Variants in PPTC7 observed in about 807,000 individuals in gnomAD.
The protein encoded by PPTC7 is protein phosphatase targeting COQ7.
PPTC7 carries 6 observed loss-of-function variants against 30.8 expected under a neutral mutation model. The observed-to-expected ratio is 0.19, with a 90% CI of 0.11 to 0.38. PPTC7 has a LOEUF of 0.38. Among genes scored for constraint, PPTC7 ranks in the 10% least tolerant of loss-of-function variants. The pLI is 1.00. For synonymous variants in PPTC7, 163 were observed against 168.1 expected, an observed-to-expected ratio of 0.97 and a Z score of 0.23; for missense variants, 218 against 404.8, an observed-to-expected ratio of 0.54 and a Z score of 3.96.
intron 1 of PPTC7, among the ~76,000 whole-genome samples, chr12:110,563,615 CAA>C (rs199927043): frequency 8.1e-5 from 10 of 122,998 alleles, no homozygotes; most frequent in Non-Finnish European, 9.0e-5. Context: ...AAATCTGTCT[CAA>C]AAAAAAAAAA....
chr12:110,546,879 A>T (rs2064310062), intron 2 of PPTC7: 1 of 152,142 alleles, frequency 6.6e-6, no homozygotes, highest in Admixed American at 6.5e-5. Context: ...AAATATATGA[A>T]AAAATGACCA....
intron 1 of PPTC7, among the ~76,000 whole-genome samples, chr12:110,579,539 C>G (rs2064618850): frequency 1.3e-5 from 2 of 152,110 alleles, no homozygotes; most frequent in Non-Finnish European, 2.9e-5. Flanking sequence ...CAGCAAAGTT[C>G]CTAAGAGCCC....
At chr12:110,579,480 C>T (rs746146876) in intron 1 of PPTC7, among the ~76,000 whole-genome samples, 31 of 152,186 alleles carry the variant, frequency 2.0e-4, no homozygotes, top group Non-Finnish European at 3.5e-4. Context: ...GGTTCTTGAT[C>T]TGATTCCTAT....
rs528592534 is a variant in PPTC7 at position 110,553,130 on chromosome 12, C to T, written c.224-1162G>A. Among the ~76,000 whole-genome samples, 14 of 145,174 alleles carry T rather than the reference C, an allele frequency of 9.6e-5. 1 individual carries two copies. Among genetic ancestry groups the T allele is most frequent in the African/African-American group, 3.2e-4 (13 of 40,304 alleles). On this transcript the variant is annotated intron_variant, in intron 1 of 5. Coordinates refer to ENST00000354300, the MANE Select transcript of PPTC7 (RefSeq NM_139283.2). ...CCTGGGAAGTGGAGGTTGCGGTGAG[C>T]CGAGATCGCGCCATTGCATCCCACC... is the stretch of plus-strand genomic sequence containing the variant.
intron 2 of PPTC7, chr12:110,546,742 A>G (rs1382358727): frequency 6.5e-6 from 1 of 152,690 alleles, no homozygotes. Flanking sequence ...CCTAGACTGA[A>G]AGGCTAATGG....
intron 1 of PPTC7, among the ~76,000 whole-genome samples, chr12:110,553,800 A>G (rs1225477551): frequency 1.3e-5 from 2 of 152,160 alleles, no homozygotes; most frequent in Non-Finnish European, 2.9e-5. Context: ...CAGAAAAAGA[A>G]TATTTTAGAT....
In PPTC7 at chr12:110,582,833, G is replaced by A. The variant is rs2064650690; in HGVS notation, c.199C>T (p.Arg67Trp). 6.4e-7 allele frequency: 1 copy of A among 1,563,814 alleles called. No homozygotes were observed. Among genetic ancestry groups the A allele is most frequent in the Non-Finnish European group, 8.7e-7 (1 of 1,154,470 alleles). Residue 67 changes from arginine to tryptophan, a missense_variant, in exon 1 of 6, where the codon CGG becomes TGG. Transcript: ENST00000354300. ...CYGDDACFVA[R>W]HRSADVLGVA... Reference sequence around the variant, plus strand: ...CCGAGCACGTCCGCGGAACGGTGCCGGGCCACGAAGCACGCGTCGTCCCCG... The same window carrying A: ...CCGAGCACGTCCGCGGAACGGTGCCAGGCCACGAAGCACGCGTCGTCCCCG...
chr12:110,542,900 A>G (rs1449604223), intron 3 of PPTC7, among the ~76,000 whole-genome samples: 2 of 152,076 alleles, frequency 1.3e-5, no homozygotes, highest in Non-Finnish European at 2.9e-5. Flanking sequence ...GGTGGGGAGA[A>G]AAGATCCTAT....
chr12:110,561,146 T>C (rs2064434922), intron 1 of PPTC7, among the ~76,000 whole-genome samples: 1 of 152,200 alleles, frequency 6.6e-6, no homozygotes, highest in African/African-American at 2.4e-5. Context: ...AGGCATCTTT[T>C]CAGATGCTGA....
In PPTC7 at chr12:110,542,905, T is replaced by A. The variant is rs192497671; in HGVS notation, c.603-2960A>T. Among the ~76,000 whole-genome samples the A allele has an allele frequency of 5.2e-4, 79 of 151,964 alleles. 1 individual carries two copies. Among genetic ancestry groups the A allele is most frequent in the African/African-American group, 1.5e-3 (63 of 41,438 alleles). On this transcript the variant is annotated intron_variant, in intron 3 of 5. Coordinates refer to ENST00000354300, the MANE Select transcript of PPTC7 (RefSeq NM_139283.2). The stretch of plus-strand genomic sequence containing the variant: ...GAAAACCCCGGGTGGGGAGAAAAGA[T>A]CCTATATTCAGAGATCATGGCCTCC...
chr12:110,558,681 A>G (rs2064409547), intron 1 of PPTC7, among the ~76,000 whole-genome samples: 1 of 152,232 alleles, frequency 6.6e-6, no homozygotes, highest in Admixed American at 6.5e-5. Context: ...GCTGGAGTGC[A>G]GTGGTGCGAT....
At chr12:110,570,108 A>G (rs1354606911) in intron 1 of PPTC7, among the ~76,000 whole-genome samples, 1 of 151,872 alleles carries the variant, frequency 6.6e-6, no homozygotes, top group Admixed American at 6.6e-5. Flanking sequence ...GGGAGACTCC[A>G]TTTTGTTATG....
chr12:110,538,026 G>A, intron 5 of PPTC7, 118 bp downstream of exon 5: 1 of 1,065,186 alleles, frequency 9.4e-7, no homozygotes, highest in Non-Finnish European at 1.4e-6. Flanking sequence ...AGCCACAAGT[G>A]CACAGTTTGG....
intron 1 of PPTC7, among the ~76,000 whole-genome samples, chr12:110,577,851 T>C (rs1447802249): frequency 8.5e-5 from 13 of 152,176 alleles, no homozygotes; most frequent in Admixed American, 8.5e-4. Flanking sequence ...TGGTTTAGCA[T>C]GCAGAGGAGT....
At chr12:110,552,345 C>T (rs927408376) in intron 1 of PPTC7, among the ~76,000 whole-genome samples, 3 of 152,194 alleles carry the variant, frequency 2.0e-5, no homozygotes, top group African/African-American at 7.2e-5. Context: ...AGTGACGATA[C>T]AATTCAGTCA....
intron 1 of PPTC7, among the ~76,000 whole-genome samples, chr12:110,567,051 C>A (rs2064489928): frequency 6.6e-6 from 1 of 152,178 alleles, no homozygotes; most frequent in Non-Finnish European, 1.5e-5. Context: ...GGAATACATA[C>A]ATGGGCCTAA....
chr12:110,569,619 T>G lies in PPTC7; in HGVS notation c.223+13190A>C, dbSNP rs188839357. ...AAAAGAGCCAGTTTAAGAAACTTTA[T>G]AAACAAAGGCTAACAAATAAGGCTA... On this transcript the variant is annotated intron_variant, in intron 1 of 5. Transcript: ENST00000354300. Among the ~76,000 whole-genome samples the G allele has an allele frequency of 7.2e-5, 11 of 152,346 alleles. 1 individual carries two copies. Among genetic ancestry groups the G allele is most frequent in the African/African-American group, 2.4e-4 (10 of 41,582 alleles).
intron 1 of PPTC7, among the ~76,000 whole-genome samples, chr12:110,555,471 T>C (rs1276369204): frequency 6.6e-6 from 1 of 152,236 alleles, no homozygotes; most frequent in African/African-American, 2.4e-5. Flanking sequence ...CTTTGATATA[T>C]ATTTGAAATT....
chr12:110,573,382 G>A (rs142889191), intron 1 of PPTC7, among the ~76,000 whole-genome samples: 83 of 152,298 alleles, frequency 5.4e-4, no homozygotes, highest in African/African-American at 1.8e-3. Flanking sequence ...ACATGCAGGA[G>A]AATATGATGC....
Sources: allele counts gnomAD v4.1 joint callset (sites outside exome capture counted in the v4.1 genomes callset), GRCh38; gene constraint gnomAD v4.1.1; transcripts MANE v1.5; gene names NCBI Gene and HGNC (gene_info 2026-07-23, HGNC 2026-07-21).